The following WDFY3 variants were observed in gnomAD, a reference collection of about 807,000 sequenced individuals.
WDFY3 encodes WD repeat and FYVE domain containing 3.
WDFY3 carries 66 observed loss-of-function variants against 409.6 expected under a neutral mutation model. The ratio of observed to expected loss-of-function variants is 0.16; its 90% CI spans 0.13 to 0.20. The LOEUF (loss-of-function observed/expected upper bound fraction) is 0.20, where lower values mean the gene tolerates loss of function less well. Ranked by LOEUF, WDFY3 falls within the 10% of genes least tolerant of loss-of-function variation. The pLI is 1.00. For missense variants in WDFY3, 3,031 were observed against 4,298.1 expected (o/e 0.71, Z 8.24); for synonymous variants, 1,521 against 1,537.1 (o/e 0.99, Z 0.25).
chr4:84,863,769 G>A (rs1365620796), intron 3 of WDFY3, among the ~76,000 whole-genome samples: 1 of 152,124 alleles, frequency 6.6e-6, no homozygotes, highest in Non-Finnish European at 1.5e-5. Context: ...AGGATATCCA[G>A]TTTTCCCAAC....
chr4:84,755,117 G>C, intron 34 of WDFY3, 149 bp downstream of exon 34: 1 of 1,146,476 alleles, frequency 8.7e-7, no homozygotes, highest in African/African-American at 1.6e-5. Context: ...TCTTACGTTA[G>C]ATATAATTTT....
intron 24 of WDFY3, among the ~76,000 whole-genome samples, chr4:84,785,293 C>T (rs988173605): frequency 6.6e-6 from 1 of 152,078 alleles, no homozygotes; most frequent in African/African-American, 2.4e-5. Context: ...ACGTACAGTA[C>T]ACTTCTCAGG....
chr4:84,857,128 T>C (rs1759864988), intron 4 of WDFY3, among the ~76,000 whole-genome samples: 3 of 152,172 alleles, frequency 2.0e-5, no homozygotes, highest in Non-Finnish European at 4.4e-5. Flanking sequence ...AAATCACTCA[T>C]TATATTAGAG....
At chr4:84,789,192 CTTT>C (rs1268013997) in intron 22 of WDFY3, among the ~76,000 whole-genome samples, 1 of 152,100 alleles carries the variant, frequency 6.6e-6, no homozygotes, top group Non-Finnish European at 1.5e-5. Flanking sequence ...ATAATCAACT[CTTT>C]TTTTCTATTC....
chr4:84,696,944 C>A (rs1425298061), intron 56 of WDFY3, 121 bp from the exon 57 acceptor site: 14 of 748,794 alleles, frequency 1.9e-5, no homozygotes, highest in Middle Eastern at 3.8e-4. Context: ...AAATTGTACA[C>A]CAGAAAGGAC....
intron 3 of WDFY3, among the ~76,000 whole-genome samples, chr4:84,871,706 C>T (rs1762156874): frequency 6.6e-6 from 1 of 152,008 alleles, no homozygotes; most frequent in African/African-American, 2.4e-5. Flanking sequence ...GCAATCCCAG[C>T]CCACTGCAGC....
Position 84,739,110 on chromosome 4 carries a change from A to G in WDFY3, c.6474T>C (p.Asp2158=). ...GGGCTTCTGCTTCCAGTCCAAATCC[A>G]TCCACGTTGCTGAAAAATTCCAGTC... ...LINLHVGSNV[D]GFGLEAEARM... is the part of the protein sequence containing the mutation. Residue 2158 remains aspartate (D), a synonymous_variant, in exon 40 of 68, where the codon GAT becomes GAC. Transcript: ENST00000295888. 6.2e-7 allele frequency: 1 copy of G among 1,614,034 alleles called. No individual in the cohort carries two copies. The highest frequency in any genetic ancestry group is 8.5e-7 in the Non-Finnish European group (1 of 1,179,940).
rs1333381252 is a variant in WDFY3, at chr4:84,850,920, ATT to A, written c.181-897_181-896del. On this transcript the variant is annotated intron_variant, in intron 4 of 67. Coordinates refer to ENST00000295888, the MANE Select transcript of WDFY3 (RefSeq NM_014991.6). ...ATAAATAATTCTTATTTTTAATTTT[ATT>A]TATCTGTTTTTTTTTTTTTTTTTTT... is the stretch of plus-strand genomic sequence containing the variant. Among the ~76,000 whole-genome samples, 3 of 43,890 alleles carry A rather than the reference ATT, an allele frequency of 6.8e-5. No individual in the cohort carries two copies. In the South Asian group the frequency reaches 2.8e-3, roughly 42 times the overall value. 28.8% of individuals were successfully genotyped at this position (43,890 alleles called of 152,430 possible).
In WDFY3 at chr4:84,841,220, C is replaced by T. The variant is rs1757307756; in HGVS notation, c.348G>A (p.Gln116=). The change falls in exon 6 of 68, where the codon CAG becomes CAA. Residue 116 remains glutamine (Q), a synonymous_variant. Transcript: ENST00000295888. ...TCCAGCCTCTACTGGCTTCTTCACT[C>T]TGATTAATCTCTAGGAACTGAACTA... ...RAIVQFLEIN[Q]SEEASRGWML... is the part of the protein sequence containing the mutation. 6.2e-7 allele frequency: 1 copy of T among 1,613,086 alleles called. No individual in the cohort carries two copies.
At chr4:84,888,414 G>A (rs1764504907) in intron 3 of WDFY3, among the ~76,000 whole-genome samples, 1 of 151,912 alleles carries the variant, frequency 6.6e-6, no homozygotes, top group South Asian at 2.1e-4. Context: ...TGAGTTATGA[G>A]CAATTCTTTT....
chr4:84,733,617 G>C lies in WDFY3; in HGVS notation c.6994-8C>G, dbSNP rs1223827932. On this transcript the variant is annotated splice_polypyrimidine_tract_variant and splice_region_variant and intron_variant, in intron 43 of 67. Coordinates refer to ENST00000295888, the MANE Select transcript of WDFY3 (RefSeq NM_014991.6). ...CAGGGCATTCTGCTGACGCTGACAGGAAAGAGTCCAGGTCGGTTTTCAAGC... is the reference window on the plus strand; with the variant it reads ...CAGGGCATTCTGCTGACGCTGACAGCAAAGAGTCCAGGTCGGTTTTCAAGC... 4 of 1,604,008 alleles carry C rather than the reference G, an allele frequency of 2.5e-6. No individual in the cohort carries two copies. The Admixed American group carries it at 6.9e-5, about 28-fold the overall frequency.
chr4:84,793,053 T>A (rs1748789542), intron 21 of WDFY3, among the ~76,000 whole-genome samples: 1 of 152,216 alleles, frequency 6.6e-6, no homozygotes. Flanking sequence ...TGAGAAATAT[T>A]AGGGAGGCAT....
intron 3 of WDFY3, among the ~76,000 whole-genome samples, chr4:84,867,136 C>A (rs190719581): frequency 6.6e-6 from 1 of 152,172 alleles, no homozygotes; most frequent in Non-Finnish European, 1.5e-5. Context: ...ACATGCCAAG[C>A]ACACTAGTTA....
In WDFY3 at chr4:84,679,034, G is replaced by A. The variant is rs201177388; in HGVS notation, c.10032C>T (p.Asp3344=). 2.7e-5 allele frequency: 44 copies of A among 1,614,224 alleles called. No individual in the cohort carries two copies. In the East Asian group the frequency reaches 4.0e-4, roughly 15 times the overall value. ...CTGAATAGTTCACAAATATGAAGCC[G>A]TCTTTCTCATCTAGACTGAGCTGGT... ...WSDQLSLDEK[D]GFIFVNYSEG... The change falls in exon 65 of 68, where the codon GAC becomes GAT. Residue 3344 remains aspartate (D), a synonymous_variant. Coordinates refer to ENST00000295888, the MANE Select transcript of WDFY3 (RefSeq NM_014991.6).
At position 84,894,755 on chromosome 4, in the gene WDFY3, C is replaced by T. The variant is rs1394148271; in HGVS notation, c.-32+2156G>A. Among the ~76,000 whole-genome samples, 5 of 151,538 alleles carry T rather than the reference C, an allele frequency of 3.3e-5. No homozygotes were observed. The South Asian group carries it at 6.3e-4, about 19-fold the overall frequency. On this transcript the variant is annotated intron_variant, in intron 3 of 67. Transcript: ENST00000295888. Reference sequence around the variant, plus strand: ...GAGCCGAGACTGCGTCACCGCACTCCGGCCTGGGTGACAAAGCGAGACTCA... The same window carrying T: ...GAGCCGAGACTGCGTCACCGCACTCTGGCCTGGGTGACAAAGCGAGACTCA...
chr4:84,724,680 G>T, intron 45 of WDFY3, 86 bp from the exon 46 acceptor site: 2 of 1,452,486 alleles, frequency 1.4e-6, no homozygotes, highest in Non-Finnish European at 1.8e-6. Context: ...TGGTGTCAAG[G>T]TGTGTTACCT....
intron 30 of WDFY3, among the ~76,000 whole-genome samples, chr4:84,768,666 G>T (rs1024163977): frequency 6.6e-6 from 1 of 152,180 alleles, no homozygotes; most frequent in East Asian, 1.9e-4. Context: ...AATGCACCTA[G>T]CCATCCAAGA....
intron 53 of WDFY3, among the ~76,000 whole-genome samples, chr4:84,707,560 CT>C (rs1371532549): frequency 6.6e-6 from 1 of 152,146 alleles, no homozygotes; most frequent in Non-Finnish European, 1.5e-5. Flanking sequence ...TGGTAGAGAA[CT>C]GAAGGTTCAG....
At chr4:84,804,883 A>G (rs1410471223) in intron 15 of WDFY3, among the ~76,000 whole-genome samples, 1 of 152,164 alleles carries the variant, frequency 6.6e-6, no homozygotes, top group Non-Finnish European at 1.5e-5. Flanking sequence ...TTGGATTTAA[A>G]TTACTGATAC....
Sources: gnomAD v4.1 joint callset for allele counts (sites outside exome capture counted in the v4.1 genomes callset) on GRCh38, gnomAD v4.1.1 for gene constraint, MANE v1.5 for transcripts, NCBI Gene and HGNC (gene_info 2026-07-23, HGNC 2026-07-21) for gene names.